GRAMD4: variants seen among roughly 807,000 people sequenced by gnomAD.
The protein encoded by GRAMD4 is GRAM domain containing 4, also known as GRAM domain-containing protein 4.
Under a neutral mutation model 83.9 loss-of-function variants are expected in GRAMD4, and 25 were observed. The observed-to-expected ratio is 0.30, with a 90% CI of 0.22 to 0.42. GRAMD4 has a LOEUF of 0.42. Ranked by LOEUF, GRAMD4 falls within the 10% of genes least tolerant of loss-of-function variation. GRAMD4 has a pLI of 1.00. For synonymous variants in GRAMD4, 336 were observed against 320.9 expected (o/e 1.05, Z -0.50); for missense variants, 593 against 788.7 (o/e 0.75, Z 2.97).
At position 46,625,210 on chromosome 22, in the gene GRAMD4, C is replaced by G. The variant is rs545296899; in HGVS notation, c.-49-1541C>G. ...GCATCAGGAATACTCAAGTGCCCAT[C>G]CCAGGAGAGCCTCCCCTCCCCTCAC... On this transcript the variant is annotated intron_variant, in intron 1 of 18. Coordinates refer to ENST00000406902, the MANE Select transcript of GRAMD4 (RefSeq NM_015124.5). Among the ~76,000 whole-genome samples, 174 of 152,306 alleles carry G rather than the reference C, an allele frequency of 1.1e-3. 2 individuals carry two copies. Among genetic ancestry groups the G allele is most frequent in the Non-Finnish European group, 1.7e-3 (117 of 68,026 alleles).
Position 46,637,976 on chromosome 22 carries a change from C to G in GRAMD4, c.283+16C>G. 6.2e-7 allele frequency: 1 copy of G among 1,611,816 alleles called. No homozygotes were observed. Among genetic ancestry groups the G allele is most frequent in the South Asian group, 1.1e-5 (1 of 90,954 alleles). On this transcript the variant is annotated intron_variant, in intron 3 of 18. Transcript: ENST00000406902. ...CATTTCTTACGTGAGTACCAGAAAG[C>G]GCTTGGAGGGGATGGGACAAGGTGG...
chr22:46,635,725 T>TA (rs1399107675), intron 2 of GRAMD4, among the ~76,000 whole-genome samples: 2 of 94,430 alleles, frequency 2.1e-5, no homozygotes, highest in Admixed American at 1.1e-4. Flanking sequence ...ACTCCTGTCC[T>TA]GGGGGCCCGT....
rs2147429947 is a variant in GRAMD4 at position 46,676,450 on chromosome 22, G to C, written c.1564-150G>C. Reference sequence around the variant, plus strand: ...CCACAAAGTGAGGAGGTGTCCACAGGCCCTTACCTTCTGTTGTTTGGAAGT... The same window carrying C: ...CCACAAAGTGAGGAGGTGTCCACAGCCCCTTACCTTCTGTTGTTTGGAAGT... On this transcript the variant is annotated intron_variant, in intron 17 of 18. Coordinates refer to ENST00000406902, the MANE Select transcript of GRAMD4 (RefSeq NM_015124.5). The C allele has an allele frequency of 7.6e-6, 5 of 653,788 alleles. No homozygotes were observed. In the East Asian group the frequency reaches 1.1e-4, roughly 14 times the overall value. The allele number at this position is 653,788 out of a possible 1,614,324, so 40.5% of individuals were successfully genotyped here. A position where few individuals can be genotyped will look rare whatever the true frequency, so the allele number is the denominator to read the frequency against.
rs60879578 is a variant in GRAMD4 at position 46,624,548 on chromosome 22, G to A, written c.-49-2203G>A. Among the ~76,000 whole-genome samples the A allele has an allele frequency of 2.4e-3, 371 of 152,092 alleles. 2 individuals carry two copies. Among genetic ancestry groups the A allele is most frequent in the African/African-American group, 8.4e-3 (348 of 41,476 alleles). On this transcript the variant is annotated intron_variant, in intron 1 of 18. Coordinates refer to ENST00000406902, the MANE Select transcript of GRAMD4 (RefSeq NM_015124.5). ...TTCACCATGTTGGCCAGATGGTCTC[G>A]AACTCCTGCCCTCGTGATCCGCCTA...
chr22:46,672,909 C>G lies in GRAMD4; in HGVS notation c.1151C>G (p.Ala384Gly). 6.2e-7 allele frequency: 1 copy of G among 1,612,116 alleles called. No individual in the cohort carries two copies. Among genetic ancestry groups the G allele is most frequent in the Non-Finnish European group, 8.5e-7 (1 of 1,179,356 alleles). ...FIFKRCPRLR[A>G]KYDTPYIIWR... ...TTTAAACGCTGCCCGAGGCTGCGCG[C>G]CAAGTACGACACGCCCTATATCATC... Residue 384 changes from alanine (A) to glycine (G), a missense_variant, in exon 14 of 19, where the codon GCC becomes GGC. By Grantham distance (60) the Ala-to-Gly change is moderately conservative. Coordinates refer to ENST00000406902, the MANE Select transcript of GRAMD4 (RefSeq NM_015124.5). This position sits in a 1 kb window ranked among gnomAD's most constrained non-coding sequence, Gnocchi z 4.7.
At position 46,637,976 on chromosome 22, in the gene GRAMD4, C is replaced by T. The variant is rs756758012; in HGVS notation, c.283+16C>T. On this transcript the variant is annotated intron_variant, in intron 3 of 18. Transcript: ENST00000406902. ...CATTTCTTACGTGAGTACCAGAAAG[C>T]GCTTGGAGGGGATGGGACAAGGTGG... 1.6e-5 allele frequency: 26 copies of T among 1,611,698 alleles called. 1 individual carries two copies. Among genetic ancestry groups the T allele is most frequent in the South Asian group, 1.5e-4 (14 of 90,958 alleles).
chr22:46,606,175 C>T (rs61302108), intron 1 of GRAMD4, among the ~76,000 whole-genome samples: 58 of 376 alleles, frequency 0.15, no homozygotes, highest in African/African-American at 0.35. Context: ...TCTGCATGGG[C>T]TTATGGCTGG....
chr22:46,679,428 C>T lies in GRAMD4; in HGVS notation c.*2177C>T, dbSNP rs1280185142. The stretch of plus-strand genomic sequence containing the variant: ...GACTGGCTCTGCTGCCAGCACAGGC[C>T]CCTCCCTGGAAGTCCTCGGGAGCGG... On this transcript the variant is annotated 3_prime_UTR_variant, in exon 19 of 19. Coordinates refer to ENST00000406902, the MANE Select transcript of GRAMD4 (RefSeq NM_015124.5). The T allele has an allele frequency of 1.0e-6, 1 of 985,490 alleles. No individual in the cohort carries two copies. Among genetic ancestry groups the T allele is most frequent in the Non-Finnish European group, 1.2e-6 (1 of 829,934 alleles). 61.0% of individuals were successfully genotyped at this position (985,490 alleles called of 1,614,324 possible). A position where few individuals can be genotyped will look rare whatever the true frequency, so the allele number is the denominator to read the frequency against.
intron 2 of GRAMD4, among the ~76,000 whole-genome samples, chr22:46,632,839 A>T (rs956458464): frequency 1.7e-4 from 26 of 152,082 alleles, no homozygotes; most frequent in Admixed American, 1.6e-3. Flanking sequence ...GAGCCGGGTC[A>T]CCCGCACGAC....
chr22:46,673,571 T>G, intron 14 of GRAMD4, 99 bp from the exon 15 acceptor site: 1 of 1,440,220 alleles, frequency 6.9e-7, no homozygotes, highest in Non-Finnish European at 9.5e-7. Flanking sequence ...TTCCCAAATT[T>G]GGATCCCAGC....
At chr22:46,653,106 G>C (rs1200095788) in intron 3 of GRAMD4, among the ~76,000 whole-genome samples, 1 of 152,222 alleles carries the variant, frequency 6.6e-6, no homozygotes, top group African/African-American at 2.4e-5. Flanking sequence ...TTACTTAGCT[G>C]TCTTTGTACC....
chr22:46,668,940 A>G (rs2076711), intron 13 of GRAMD4, 32 bp downstream of exon 13: 9 of 1,253,934 alleles, frequency 7.2e-6, no homozygotes, highest in South Asian at 1.2e-5. Flanking sequence ...CTGTAGCTTC[A>G]GGAGGAGGGA....
At chr22:46,601,974 G>A (rs1377405339) in intron 1 of GRAMD4, among the ~76,000 whole-genome samples, 1 of 152,190 alleles carries the variant, frequency 6.6e-6, no homozygotes, top group Non-Finnish European at 1.5e-5. Context: ...TCTTGGGCAT[G>A]CTTCTTTGTC....
At chr22:46,635,622 A>C (rs1239909755) in intron 2 of GRAMD4, among the ~76,000 whole-genome samples, 2 of 56,468 alleles carry the variant, frequency 3.5e-5, no homozygotes, top group African/African-American at 1.3e-4. Flanking sequence ...GCCCCCGGCC[A>C]CTCCTGTCCT....
intron 2 of GRAMD4, 48 bp from the exon 3 acceptor site, chr22:46,637,792 C>T: frequency 4.4e-6 from 7 of 1,608,388 alleles, no homozygotes; most frequent in Non-Finnish European, 5.9e-6. Flanking sequence ...GGTGCAGACC[C>T]AGGGTGCCAC....
chr22:46,587,226 A>G (rs60911248), intron 1 of GRAMD4, among the ~76,000 whole-genome samples: 2,751 of 152,192 alleles, frequency 0.018, 87 homozygotes, highest in African/African-American at 0.063. Flanking sequence ...CTGGGCTGTG[A>G]TGAGCCAGTG....
At chr22:46,627,125 G>A (rs1308959125) in intron 2 of GRAMD4, among the ~76,000 whole-genome samples, 164 bp downstream of exon 2, 1 of 152,230 alleles carries the variant, frequency 6.6e-6, no homozygotes, top group African/African-American at 2.4e-5. Flanking sequence ...TGCAGACCTT[G>A]TGGGGCCGGG....
In GRAMD4 at chr22:46,620,645, A is replaced by C. The variant is rs375754977; in HGVS notation, c.-50+80A>C. On this transcript the variant is annotated intron_variant, in intron 1 of 18. Transcript: ENST00000406902. The surrounding 1 kb of genome is among the most constrained non-coding windows in gnomAD (Gnocchi z 4.7). Reference sequence around the variant, plus strand: ...AGCCCCAGCCTTGGGAAAAGCTGCTACTCTCTGGGGCAGTGGTCCCAGCTA... The same window carrying C: ...AGCCCCAGCCTTGGGAAAAGCTGCTCCTCTCTGGGGCAGTGGTCCCAGCTA... The C allele has an allele frequency of 1.3e-3, 587 of 442,500 alleles. 2 individuals carry two copies. The highest frequency in any genetic ancestry group is 0.012 in the African/African-American group (547 of 47,356). The allele number at this position is 442,500 out of a possible 1,614,324, so 27.4% of individuals were successfully genotyped here.
rs890475103 is a variant in GRAMD4, at chr22:46,610,883, C to T, written c.-49-15868C>T. ...GTTTTTGCTTGCCTACCTGTGCCTACACTTAGGTTTTCTTGCCAGCTTTGT... is the reference window on the plus strand; with the variant it reads ...GTTTTTGCTTGCCTACCTGTGCCTATACTTAGGTTTTCTTGCCAGCTTTGT... On this transcript the variant is annotated intron_variant, in intron 1 of 1. Transcript: ENST00000431155. 3.3e-5 allele frequency among the ~76,000 whole-genome samples: 5 copies of T among 152,204 alleles called. No individual in the cohort carries two copies. The East Asian group carries it at 7.7e-4, about 23-fold the overall frequency.
Sources: allele counts gnomAD v4.1 joint callset (sites outside exome capture counted in the v4.1 genomes callset), GRCh38; gene constraint gnomAD v4.1.1; non-coding constraint Gnocchi (gnomAD v3.1); transcripts MANE v1.5; gene names NCBI Gene and HGNC (gene_info 2026-07-23, HGNC 2026-07-21).